CADM2: variants seen among roughly 807,000 people sequenced by gnomAD.
CADM2 encodes cell adhesion molecule 2.
A neutral mutation model predicts 49.8 loss-of-function variants in CADM2; 12 were observed. That is an observed-to-expected ratio of 0.24 (90% CI 0.15 to 0.39). The LOEUF is 0.39. Ranked by LOEUF, CADM2 falls within the 10% of genes least tolerant of loss-of-function variation. The pLI, the probability that CADM2 is intolerant of heterozygous loss-of-function variation, is 1.00. For synonymous variants in CADM2, 214 were observed against 175.4 expected, an observed-to-expected ratio of 1.22 and a Z score of -1.74; for missense variants, 378 against 492.3, an observed-to-expected ratio of 0.77 and a Z score of 2.20.
Position 85,639,152 on chromosome 3 carries a change from T to C in CADM2, c.62-87370T>C, listed in dbSNP as rs530124083. 7.2e-5 allele frequency among the ~76,000 whole-genome samples: 11 copies of C among 152,312 alleles called. No individual in the cohort carries two copies. The East Asian group carries it at 1.7e-3, about 24-fold the overall frequency. ...TTTAAATTTATTAACTTGTTGAAAA[T>C]AATTTCAAATTTGCTTTAAAACATT... On this transcript the variant is annotated intron_variant, in intron 1 of 9. Transcript: ENST00000383699.
chr3:85,282,414 G>T (rs940544653), intron 1 of CADM2, among the ~76,000 whole-genome samples: 1 of 147,942 alleles, frequency 6.8e-6, no homozygotes, highest in Non-Finnish European at 1.5e-5. Context: ...GGCGTGAGCC[G>T]CCACTCTTGG....
At chr3:85,227,941 T>G (rs2042198068) in intron 1 of CADM2, among the ~76,000 whole-genome samples, 1 of 152,208 alleles carries the variant, frequency 6.6e-6, no homozygotes, top group Non-Finnish European at 1.5e-5. Flanking sequence ...AATTATTTTC[T>G]TTAAGAATGT....
intron 1 of CADM2, among the ~76,000 whole-genome samples, chr3:85,645,974 A>C (rs547840688): frequency 3.9e-5 from 6 of 152,158 alleles, no homozygotes; most frequent in Admixed American, 2.6e-4. Context: ...ATCTGCCTTC[A>C]TGAGTTAGGA....
At chr3:85,288,109 TA>T (rs141203215) in intron 1 of CADM2, among the ~76,000 whole-genome samples, 5 of 151,466 alleles carry the variant, frequency 3.3e-5, no homozygotes, top group South Asian at 4.2e-4. Flanking sequence ...ATAATAAAAT[TA>T]AAAAAAAATC....
chr3:85,513,430 T>C (rs761785836), intron 1 of CADM2, among the ~76,000 whole-genome samples: 9 of 152,034 alleles, frequency 5.9e-5, no homozygotes, highest in Non-Finnish European at 1.2e-4. Context: ...TAATTTACTT[T>C]TTTTTGATGA....
intron 8 of CADM2, among the ~76,000 whole-genome samples, chr3:86,019,625 A>C (rs1162764262): frequency 1.3e-5 from 2 of 151,436 alleles, no homozygotes; most frequent in African/African-American, 4.9e-5. Context: ...TAGGTATTTT[A>C]TTCTCTTTGA....
chr3:86,026,565 C>CTATGCTTTGTTA (rs1257211920), intron 8 of CADM2, among the ~76,000 whole-genome samples: 3 of 152,150 alleles, frequency 2.0e-5, no homozygotes, highest in Non-Finnish European at 2.9e-5. Context: ...ACTGGTCATA[C>CTATGCTTTGTTA]TATGCTTTGT....
rs577985319 is a variant in CADM2, at chr3:85,617,004, G to A, written c.62-109518G>A. On this transcript the variant is annotated intron_variant, in intron 1 of 9. Coordinates refer to ENST00000383699, the MANE Select transcript of CADM2 (RefSeq NM_001167675.2). ...AACACACTCAATGTGTTTTTCCTCT[G>A]CTCTCATGCAGTGATCAACACAGAA... is the stretch of plus-strand genomic sequence containing the variant. 1.8e-4 allele frequency among the ~76,000 whole-genome samples: 27 copies of A among 152,208 alleles called. 1 individual carries two copies. Among genetic ancestry groups the A allele is most frequent in the African/African-American group, 5.3e-4 (22 of 41,538 alleles).
intron 8 of CADM2, among the ~76,000 whole-genome samples, chr3:86,049,660 G>A (rs1737112109): frequency 6.6e-6 from 1 of 151,698 alleles, no homozygotes. Flanking sequence ...TTCTGGCATG[G>A]GGGGCAGGCA....
intron 6 of CADM2, among the ~76,000 whole-genome samples, chr3:85,918,974 T>C (rs1362135517): frequency 1.3e-5 from 2 of 152,036 alleles, no homozygotes; most frequent in Non-Finnish European, 2.9e-5. Context: ...TGAATATTCA[T>C]TTTCTGTATG....
At chr3:85,158,718 C>T (rs2040220641) in intron 1 of CADM2, among the ~76,000 whole-genome samples, 1 of 152,014 alleles carries the variant, frequency 6.6e-6, no homozygotes, top group South Asian at 2.1e-4. Flanking sequence ...GGAGGGATAG[C>T]ATTGGGAGAT....
chr3:84,978,774 T>C lies in CADM2; in HGVS notation c.61+19106T>C, dbSNP rs534854556. 2.2e-4 allele frequency among the ~76,000 whole-genome samples: 33 copies of C among 152,284 alleles called. No homozygotes were observed. In the South Asian group the frequency reaches 6.4e-3, roughly 30 times the overall value. On this transcript the variant is annotated intron_variant, in intron 1 of 9. Coordinates refer to ENST00000383699, the MANE Select transcript of CADM2 (RefSeq NM_001167675.2). Reference sequence around the variant, plus strand: ...TTATAACTGAATTATATGAAAACAATAAAACCAAACATCATAATAGGCCAT... The same window carrying C: ...TTATAACTGAATTATATGAAAACAACAAAACCAAACATCATAATAGGCCAT...
intron 8 of CADM2, among the ~76,000 whole-genome samples, chr3:85,969,999 TCA>T (rs1261755519): frequency 1.5e-5 from 2 of 136,228 alleles, no homozygotes; most frequent in South Asian, 2.3e-4. Flanking sequence ...ACTCATACAC[TCA>T]CACACACACA....
chr3:85,814,517 G>T (rs932772181), intron 3 of CADM2, among the ~76,000 whole-genome samples: 3 of 152,022 alleles, frequency 2.0e-5, no homozygotes, highest in African/African-American at 7.2e-5. Flanking sequence ...AAAGAACTAA[G>T]ATCAGAGCAG....
intron 8 of CADM2, chr3:86,014,353 A>T (rs1731942951): frequency 7.1e-7 from 1 of 1,415,640 alleles, no homozygotes; most frequent in Non-Finnish European, 9.4e-7. Context: ...CAAACCTCTG[A>T]TGTCTTATTT....
chr3:84,977,738 AG>A (rs1311413785), intron 1 of CADM2, among the ~76,000 whole-genome samples: 1 of 152,104 alleles, frequency 6.6e-6, no homozygotes, highest in African/African-American at 2.4e-5. Context: ...ACAACAGAAT[AG>A]TTCTTAAAAA....
Position 85,935,854 on chromosome 3 carries a change from C to T in CADM2, c.788C>T (p.Pro263Leu). 1 of 1,582,302 alleles carries T rather than the reference C, an allele frequency of 6.3e-7. No homozygotes were observed. The highest frequency in any genetic ancestry group is 1.3e-5 in the African/African-American group (1 of 74,162). The change falls in exon 7 of 10, where the codon CCA becomes CTA. Residue 263 changes from proline to leucine, a missense_variant. By Grantham distance (98) the Pro-to-Leu change is moderately conservative. Coordinates refer to ENST00000383699, the MANE Select transcript of CADM2 (RefSeq NM_001167675.2). ...TTGACTTGTGAATCCAAAGGAAAAC[C>T]ACTGTAAGTGAGTTAATGAGCAATA... ...LILTCESKGK[P>L]LPEPVLWTKD...
At chr3:85,665,463 CAT>C (rs950241931) in intron 1 of CADM2, among the ~76,000 whole-genome samples, 1 of 151,800 alleles carries the variant, frequency 6.6e-6, no homozygotes, top group African/African-American at 2.4e-5. Context: ...TGTTATTTAA[CAT>C]ATATTTTTAG....
At chr3:86,017,244 G>A (rs1036544711) in intron 8 of CADM2, among the ~76,000 whole-genome samples, 9 of 149,462 alleles carry the variant, frequency 6.0e-5, no homozygotes, top group Non-Finnish European at 1.3e-4. Context: ...CATAAGTATG[G>A]GACAATCTGG....
Sources: gnomAD v4.1 joint callset for allele counts (sites outside exome capture counted in the v4.1 genomes callset) on GRCh38, gnomAD v4.1.1 for gene constraint, MANE v1.5 for transcripts, NCBI Gene and HGNC (gene_info 2026-07-23, HGNC 2026-07-21) for gene names.